The following SYTL5 variants were observed in gnomAD, a reference collection of about 807,000 sequenced individuals.
SYTL5 encodes the protein synaptotagmin like 5.
Under a neutral mutation model 55.9 loss-of-function variants are expected in SYTL5, and 34 were observed. The observed-to-expected ratio is 0.61, with a 90% CI of 0.46 to 0.81. The LOEUF is 0.81. Among genes scored for constraint, SYTL5 ranks in the 30% least tolerant of loss-of-function variants. SYTL5 has a pLI of 0.00. For missense variants in SYTL5, 637 were observed against 546.7 expected (o/e 1.17, Z -1.65); for synonymous variants, 221 against 188.7 (o/e 1.17, Z -1.40).
chrX:38,108,428 C>T (rs747076528), intron 11 of SYTL5, among the ~76,000 whole-genome samples, 172 bp from the exon 12 acceptor site: 12 of 111,929 alleles, frequency 1.1e-4, no homozygotes, highest in East Asian at 5.6e-4. Flanking sequence ...TTCTCTCTTA[C>T]GGAAGGCCCA....
At chrX:38,057,756 G>T (rs1935833355) in intron 3 of SYTL5, among the ~76,000 whole-genome samples, 1 of 111,102 alleles carries the variant, frequency 9.0e-6, no homozygotes, top group African/African-American at 3.3e-5. Context: ...CCAGATCTGG[G>T]AGGATGAACA....
At chrX:38,126,055 G>A in intron 16 of SYTL5, among the ~76,000 whole-genome samples, 1 of 112,094 alleles carries the variant, frequency 8.9e-6, no homozygotes, top group Non-Finnish European at 1.9e-5. Context: ...AATTGGAAGA[G>A]GGATTACAGT....
chrX:38,120,888 T>A (rs940728507), intron 14 of SYTL5, among the ~76,000 whole-genome samples: 2 of 111,620 alleles, frequency 1.8e-5, no homozygotes, highest in Non-Finnish European at 3.8e-5. Context: ...AATCAATTTA[T>A]AAATCTCTCT....
chrX:37,924,148 T>C, the SYTL5 span, among the ~76,000 whole-genome samples: 1 of 111,176 alleles, frequency 9.0e-6, no homozygotes, highest in Non-Finnish European at 1.9e-5. Context: ...AAAAAGTAAA[T>C]TTACATCACT....
At chrX:38,084,148 A>G (rs1936613232) in intron 6 of SYTL5, among the ~76,000 whole-genome samples, 1 of 111,664 alleles carries the variant, frequency 9.0e-6, no homozygotes, top group African/African-American at 3.3e-5. Flanking sequence ...ATGGTTGTCA[A>G]TCATGCCTAT....
chrX:38,033,975 A>G lies in SYTL5; in HGVS notation c.86A>G (p.Glu29Gly). ...ATCCTGGGCGTCCTAAAGAGAGATGAATATTTGAAAAAAGTGGAGGACAAG... is the reference window on the plus strand; with the variant it reads ...ATCCTGGGCGTCCTAAAGAGAGATGGATATTTGAAAAAAGTGGAGGACAAG... ...EMILGVLKRD[E>G]YLKKVEDKRI... Residue 29 changes from glutamate (E) to glycine (G), a missense_variant, in exon 2 of 17, where the codon GAA (glutamate) becomes GGA (glycine). Glu to Gly is a moderately conservative substitution (Grantham distance 98). Transcript: ENST00000297875. 8.4e-7 allele frequency: 1 copy of G among 1,184,563 alleles called. No individual in the cohort carries two copies. The highest frequency in any genetic ancestry group is 1.1e-6 in the Non-Finnish European group (1 of 874,420).
intron 3 of SYTL5, among the ~76,000 whole-genome samples, chrX:38,068,497 T>C (rs1303164389): frequency 8.9e-6 from 1 of 112,386 alleles, no homozygotes; most frequent in African/African-American, 3.2e-5. Context: ...AGCTACACTA[T>C]TCACAAAAGC....
rs1457600854 is a variant in SYTL5 at position 38,026,776 on chromosome X, A to C, written c.-356-6758A>C. 4.5e-5 allele frequency among the ~76,000 whole-genome samples: 5 copies of C among 111,565 alleles called. No individual in the cohort carries two copies. The East Asian group carries it at 1.4e-3, about 32-fold the overall frequency. On this transcript the variant is annotated intron_variant, in intron 1 of 16. Coordinates refer to ENST00000297875, the MANE Select transcript of SYTL5 (RefSeq NM_138780.3). ...CTTGGTTTTGCAGCTTCTTCACTGC[A>C]GTTTTATCAACAAGGTCTTTATGAC...
chrX:37,990,134 A>G, the SYTL5 span, among the ~76,000 whole-genome samples: 1 of 110,839 alleles, frequency 9.0e-6, no homozygotes, highest in African/African-American at 3.3e-5. Context: ...TGCCTCCCAC[A>G]GTGCTGGGAT....
At chrX:37,999,671 G>A in the SYTL5 span, among the ~76,000 whole-genome samples, 5 of 112,248 alleles carry the variant, frequency 4.5e-5, no homozygotes, top group African/African-American at 1.3e-4. Context: ...TTCTGTGGCT[G>A]TAAAATGAGG....
At chrX:37,902,894 G>A in the SYTL5 span, among the ~76,000 whole-genome samples, 3 of 111,924 alleles carry the variant, frequency 2.7e-5, no homozygotes, top group Non-Finnish European at 5.6e-5. Context: ...GCCATTACAA[G>A]GGAAAGGAGA....
At chrX:37,903,289 T>C in the SYTL5 span, among the ~76,000 whole-genome samples, 2 of 106,659 alleles carry the variant, frequency 1.9e-5, no homozygotes, top group African/African-American at 6.9e-5. Flanking sequence ...AGCAAAGACT[T>C]GGAACCAACC....
chrX:37,969,484 C>G, the SYTL5 span, among the ~76,000 whole-genome samples: 1 of 111,211 alleles, frequency 9.0e-6, no homozygotes, highest in African/African-American at 3.3e-5. Context: ...ATATAAAGAT[C>G]GAGATATAAC....
chrX:38,124,462 A>G (rs1398659352), intron 15 of SYTL5, among the ~76,000 whole-genome samples: 1 of 111,619 alleles, frequency 9.0e-6, no homozygotes, highest in Non-Finnish European at 1.9e-5. Flanking sequence ...CTAATTCCAT[A>G]TGTACATATG....
At chrX:38,089,235 C>T in intron 6 of SYTL5, among the ~76,000 whole-genome samples, 1 of 111,969 alleles carries the variant, frequency 8.9e-6, no homozygotes. Context: ...AGTTTAATTA[C>T]TGTGGGGCAA....
intron 3 of SYTL5, among the ~76,000 whole-genome samples, chrX:38,055,801 A>C (rs374912490): frequency 8.9e-6 from 1 of 111,863 alleles, no homozygotes; most frequent in Non-Finnish European, 1.9e-5. Flanking sequence ...ACTATGTTTT[A>C]ATACTGGATT....
At chrX:38,119,157 A>C (rs1937541337) in intron 13 of SYTL5, among the ~76,000 whole-genome samples, 1 of 110,047 alleles carries the variant, frequency 9.1e-6, no homozygotes, top group Non-Finnish European at 1.9e-5. Context: ...AATTTTATTC[A>C]GAATTCCCAG....
At chrX:38,111,595 G>A (rs1937360469) in intron 13 of SYTL5, among the ~76,000 whole-genome samples, 1 of 111,881 alleles carries the variant, frequency 8.9e-6, no homozygotes, top group Non-Finnish European at 1.9e-5. Flanking sequence ...ATCTTCATTG[G>A]CTTCATTTTC....
chrX:38,109,736 G>T (rs1311504943), intron 12 of SYTL5, among the ~76,000 whole-genome samples: 2 of 108,779 alleles, frequency 1.8e-5, no homozygotes, highest in Admixed American at 1.0e-4. Flanking sequence ...AGGCTGGAGG[G>T]TGTGTGAGCA....
Sources: gnomAD v4.1 joint callset for allele counts (sites outside exome capture counted in the v4.1 genomes callset) on GRCh38, gnomAD v4.1.1 for gene constraint, MANE v1.5 for transcripts, NCBI Gene and HGNC (gene_info 2026-07-23, HGNC 2026-07-21) for gene names.